The following DLGAP2 variants were observed in gnomAD, a reference collection of about 807,000 sequenced individuals.
The protein encoded by DLGAP2 is disks large-associated protein 2.
In DLGAP2, 26 loss-of-function variants were observed where a neutral mutation model predicts 100.3. That is an observed-to-expected ratio of 0.26 (90% CI 0.19 to 0.36). DLGAP2 has a LOEUF of 0.36. DLGAP2 is among the 10% of genes least tolerant of loss of function. The pLI is 1.00. For synonymous variants in DLGAP2, 886 were observed against 630.1 expected (o/e 1.41, Z -6.08); for missense variants, 1,858 against 1,453.2 (o/e 1.28, Z -4.53).
At chr8:1,414,395 C>T (rs548997416) in intron 3 of DLGAP2, among the ~76,000 whole-genome samples, 42 of 152,280 alleles carry the variant, frequency 2.8e-4, no homozygotes, top group African/African-American at 3.6e-4. Flanking sequence ...ATGCAAGGTC[C>T]GGGGTGTGAG....
intron 2 of DLGAP2, among the ~76,000 whole-genome samples, chr8:967,828 ATATATATATAT>A (rs1799914585): frequency 1.3e-4 from 1 of 7,492 alleles, no homozygotes; most frequent in African/African-American, 3.8e-4. Flanking sequence ...ATATATATAT[ATATATATATAT>A]ATATATATAT....
intron 3 of DLGAP2, among the ~76,000 whole-genome samples, chr8:1,437,108 C>G (rs4641097): frequency 0.072 from 7,191 of 99,480 alleles, 160 homozygotes; most frequent in East Asian, 0.22. Context: ...ATCCGGGTCT[C>G]CGTTCAGCCC....
At chr8:1,095,155 C>A (rs2129042367) in intron 2 of DLGAP2, among the ~76,000 whole-genome samples, 1 of 151,996 alleles carries the variant, frequency 6.6e-6, no homozygotes, top group Middle Eastern at 3.4e-3. Flanking sequence ...GCCTGGTGCT[C>A]CTTCAGGAGG....
intron 1 of DLGAP2, among the ~76,000 whole-genome samples, chr8:767,387 G>A (rs748000120): frequency 1.5e-5 from 2 of 132,414 alleles, no homozygotes; most frequent in Non-Finnish European, 3.1e-5. Context: ...GTTTCGGTCT[G>A]TCGCCCATTC....
In DLGAP2 at chr8:780,139, C is replaced by A. The variant is rs1189951890; in HGVS notation, c.18+42314C>A. ...ACCCTTTGACCTACATCTGCCCTTT[C>A]CTCATCCCCGCCAACCCCACCTACC... is the stretch of plus-strand genomic sequence containing the variant. On this transcript the variant is annotated intron_variant, in intron 1 of 14. Transcript: ENST00000637795. Among the ~76,000 whole-genome samples the A allele has an allele frequency of 2.6e-5, 4 of 152,206 alleles. No homozygotes were observed. The East Asian group carries it at 7.7e-4, about 29-fold the overall frequency.
intron 1 of DLGAP2, among the ~76,000 whole-genome samples, chr8:860,937 C>G (rs1008887446): frequency 6.6e-6 from 1 of 152,068 alleles, no homozygotes; most frequent in Admixed American, 6.6e-5. Flanking sequence ...GAAGGCTGCT[C>G]GTGACCTGAA....
intron 8 of DLGAP2, among the ~76,000 whole-genome samples, chr8:1,659,604 C>A (rs556093583): frequency 6.6e-6 from 1 of 152,120 alleles, no homozygotes; most frequent in Non-Finnish European, 1.5e-5. Context: ...CAATGCCCTT[C>A]TTTGTCTTTT....
chr8:1,122,926 C>G (rs1268404465), intron 2 of DLGAP2, among the ~76,000 whole-genome samples: 1 of 152,162 alleles, frequency 6.6e-6, no homozygotes, highest in East Asian at 1.9e-4. Flanking sequence ...GATACCAGCT[C>G]TTAAGAACCT....
chr8:1,033,633 C>A (rs1333437120), intron 2 of DLGAP2, among the ~76,000 whole-genome samples: 1 of 152,198 alleles, frequency 6.6e-6, no homozygotes, highest in African/African-American at 2.4e-5. Context: ...ACACTCTGCA[C>A]TCCAGCCTGG....
chr8:1,203,847 A>G (rs748170686), intron 2 of DLGAP2, among the ~76,000 whole-genome samples: 2 of 152,168 alleles, frequency 1.3e-5, no homozygotes, highest in African/African-American at 2.4e-5. Flanking sequence ...AGGGGGCTGG[A>G]TGAAGGCAGG....
intron 4 of DLGAP2, among the ~76,000 whole-genome samples, chr8:1,529,209 G>A (rs1053933544): frequency 2.0e-5 from 3 of 152,216 alleles, no homozygotes; most frequent in Non-Finnish European, 4.4e-5. Flanking sequence ...TAGCAGGAAG[G>A]AGAAGGGGAA....
Position 1,696,720 on chromosome 8 carries a change from T to C in DLGAP2, c.2797-427T>C, listed in dbSNP as rs78341494. 5.2e-3 allele frequency among the ~76,000 whole-genome samples: 795 copies of C among 152,234 alleles called. 17 individuals carry two copies. In the East Asian group the frequency reaches 0.063, roughly 12 times the overall value. ...CCGTAAGAACGAGAGCTAAGAGCCG[T>C]CAGAGAACAAGCAGGTATAGAATGG... On this transcript the variant is annotated intron_variant, in intron 13 of 14. Transcript: ENST00000637795.
chr8:1,103,017 C>G (rs542318053), intron 2 of DLGAP2, among the ~76,000 whole-genome samples: 1 of 151,328 alleles, frequency 6.6e-6, no homozygotes, highest in African/African-American at 2.4e-5. Context: ...CTATGAGTCT[C>G]TGGAGTCTCT....
At chr8:1,277,944 T>C (rs908204045) in intron 3 of DLGAP2, among the ~76,000 whole-genome samples, 2 of 152,186 alleles carry the variant, frequency 1.3e-5, no homozygotes, top group Admixed American at 1.3e-4. Flanking sequence ...TGATTCTAGA[T>C]TGGGTATTGG....
chr8:968,845 G>C (rs1371457433), intron 2 of DLGAP2, among the ~76,000 whole-genome samples: 1 of 152,138 alleles, frequency 6.6e-6, no homozygotes, highest in Non-Finnish European at 1.5e-5. Flanking sequence ...ATGGATCCAC[G>C]TATAATGAAA....
intron 3 of DLGAP2, among the ~76,000 whole-genome samples, chr8:1,295,199 A>T (rs1800143583): frequency 6.6e-6 from 1 of 152,164 alleles, no homozygotes; most frequent in Non-Finnish European, 1.5e-5. Context: ...TGGCGGCAAG[A>T]GTGAGTGCCA....
At chr8:990,352 C>A (rs1268468751) in intron 2 of DLGAP2, among the ~76,000 whole-genome samples, 2 of 137,610 alleles carry the variant, frequency 1.5e-5, no homozygotes, top group African/African-American at 5.7e-5. Flanking sequence ...TTCTTCTCTC[C>A]CTCCTTGCCC....
chr8:1,541,590 C>T (rs1442629635), intron 4 of DLGAP2, among the ~76,000 whole-genome samples: 2 of 152,154 alleles, frequency 1.3e-5, no homozygotes, highest in African/African-American at 4.8e-5. Flanking sequence ...TAAGGAAATG[C>T]AAGATCTCAG....
intron 2 of DLGAP2, among the ~76,000 whole-genome samples, chr8:1,124,118 C>G (rs765461257): frequency 6.6e-6 from 1 of 152,178 alleles, no homozygotes; most frequent in Non-Finnish European, 1.5e-5. Context: ...CAGAGTTTAA[C>G]GCCAATAAAA....
Sources: gnomAD v4.1 joint callset for allele counts (sites outside exome capture counted in the v4.1 genomes callset) on GRCh38, gnomAD v4.1.1 for gene constraint, MANE v1.5 for transcripts, NCBI Gene and HGNC (gene_info 2026-07-23, HGNC 2026-07-21) for gene names.